PSMD1: variants seen among roughly 807,000 people sequenced by gnomAD.
The protein encoded by PSMD1 is proteasome 26S subunit, non-ATPase 1, also known as 26S proteasome non-ATPase regulatory subunit 1.
A neutral mutation model predicts 119.0 loss-of-function variants in PSMD1; 18 were observed. The observed-to-expected ratio is 0.15, with a 90% confidence interval of 0.10 to 0.22. PSMD1 has a LOEUF of 0.22. PSMD1 is among the 10% of genes least tolerant of loss of function. PSMD1 has a pLI of 1.00. For synonymous variants in PSMD1, 374 were observed against 396.6 expected (o/e 0.94, Z 0.68); for missense variants, 702 against 1,158.5 (o/e 0.61, Z 5.72).
At chr2:231,159,525 A>C (rs1207403334) in intron 19 of PSMD1, among the ~76,000 whole-genome samples, 1 of 152,174 alleles carries the variant, frequency 6.6e-6, no homozygotes, top group African/African-American at 2.4e-5. Context: ...TAAATAGTAC[A>C]TGTACTTTAC....
intron 18 of PSMD1, among the ~76,000 whole-genome samples, chr2:231,153,147 A>G (rs1696408195): frequency 6.6e-6 from 1 of 152,204 alleles, no homozygotes; most frequent in Non-Finnish European, 1.5e-5. Flanking sequence ...GTGAAGGGTA[A>G]TTTACTTTAA....
rs1395177051 is a variant in PSMD1, at chr2:231,066,903, C to T, written c.305-3C>T. The T allele has an allele frequency of 6.3e-7, 1 of 1,581,842 alleles. No homozygotes were observed. Among genetic ancestry groups the T allele is most frequent in the East Asian group, 2.3e-5 (1 of 44,402 alleles). On this transcript the variant is annotated splice_region_variant and splice_polypyrimidine_tract_variant and intron_variant, in intron 4 of 24. Coordinates refer to ENST00000308696, the MANE Select transcript of PSMD1 (RefSeq NM_002807.4). ...ATAATCAGTTATTTTATTTCCTCAACAGCAAAATGCATTGATCACTACACC... is the reference window on the plus strand; with the variant it reads ...ATAATCAGTTATTTTATTTCCTCAATAGCAAAATGCATTGATCACTACACC...
intron 19 of PSMD1, among the ~76,000 whole-genome samples, chr2:231,157,130 C>T (rs1696524151): frequency 6.6e-6 from 1 of 152,052 alleles, no homozygotes. Flanking sequence ...TTAGACTACA[C>T]CCCTTCACTT....
chr2:231,057,122 G>T, intron 1 of PSMD1, 81 bp downstream of exon 1: 1 of 1,403,922 alleles, frequency 7.1e-7, no homozygotes, highest in South Asian at 1.5e-5. Flanking sequence ...CCGGTGACTG[G>T]GCGCCTCCCG....
chr2:231,079,120 G>T (rs1694246477), intron 10 of PSMD1, among the ~76,000 whole-genome samples: 1 of 152,090 alleles, frequency 6.6e-6, no homozygotes, highest in Non-Finnish European at 1.5e-5. Context: ...CAGACACTGT[G>T]TTAACATTGT....
intron 23 of PSMD1, among the ~76,000 whole-genome samples, chr2:231,167,939 G>A (rs973349512): frequency 6.6e-6 from 1 of 152,118 alleles, no homozygotes; most frequent in Non-Finnish European, 1.5e-5. Flanking sequence ...ACCATAACAG[G>A]TGCAGTGGTT....
intron 16 of PSMD1, among the ~76,000 whole-genome samples, chr2:231,126,600 G>T (rs925324353): frequency 6.6e-6 from 1 of 152,024 alleles, no homozygotes; most frequent in African/African-American, 2.4e-5. Flanking sequence ...GAAAAGACTT[G>T]TATGAAATAA....
rs1439765571 is a variant in PSMD1, at chr2:231,170,792, TC to T, written c.*9+72del. ...TTCACAAATGTTTTTTGCAAGGACA[TC>T]ATCTCACGTTTTTCCTTCCTTTTGT... On this transcript the variant is annotated intron_variant, in intron 24 of 24. Transcript: ENST00000308696. The surrounding 1 kb of genome is among the most constrained non-coding windows in gnomAD (Gnocchi z 4.1). 13 of 1,430,832 alleles carry T rather than the reference TC, an allele frequency of 9.1e-6. No homozygotes were observed. The African/African-American group carries it at 1.4e-4, about 16-fold the overall frequency. 88.6% of individuals were successfully genotyped at this position (1,430,832 alleles called of 1,614,324 possible). A position where few individuals can be genotyped will look rare whatever the true frequency, so the allele number is the denominator to read the frequency against.
chr2:231,117,042 C>G (rs965931251), intron 16 of PSMD1, among the ~76,000 whole-genome samples: 2 of 151,944 alleles, frequency 1.3e-5, no homozygotes, highest in Non-Finnish European at 2.9e-5. Flanking sequence ...AAAAACAGTT[C>G]TAGACACACT....
At chr2:231,058,698 A>G (rs1466007068) in intron 1 of PSMD1, among the ~76,000 whole-genome samples, 1 of 152,024 alleles carries the variant, frequency 6.6e-6, no homozygotes, top group Admixed American at 6.6e-5. Flanking sequence ...CTTGTCTTGT[A>G]GTACTGTCTT....
intron 1 of PSMD1, among the ~76,000 whole-genome samples, chr2:231,058,410 C>CA (rs1302080013): frequency 2.0e-5 from 3 of 152,176 alleles, no homozygotes; most frequent in Admixed American, 6.5e-5. Flanking sequence ...TCTTTGCTTA[C>CA]AATCCACCAG....
chr2:231,138,974 T>C (rs1271572608), intron 17 of PSMD1, 124 bp downstream of exon 17: 1 of 782,704 alleles, frequency 1.3e-6, no homozygotes, highest in Non-Finnish European at 2.2e-6. Context: ...AAACTTGCCA[T>C]ACAAAGCTTC....
chr2:231,099,123 T>G (rs1425539571), intron 16 of PSMD1, among the ~76,000 whole-genome samples: 1 of 152,124 alleles, frequency 6.6e-6, no homozygotes, highest in East Asian at 1.9e-4. Flanking sequence ...GCAGTGGCTG[T>G]CTGAGCGGAA....
At position 231,144,165 on chromosome 2, in the gene PSMD1, A is replaced by C. The variant is rs1032227207; in HGVS notation, c.1999-2075A>C. Among the ~76,000 whole-genome samples, 5 of 152,088 alleles carry C rather than the reference A, an allele frequency of 3.3e-5. No homozygotes were observed. In the East Asian group the frequency reaches 5.8e-4, roughly 18 times the overall value. On this transcript the variant is annotated intron_variant, in intron 17 of 24. Transcript: ENST00000308696. ...CTTGAACTCTTGGGATCAAGTAGTC[A>C]TCCCACCTTGCCTCTCAGAGTGTTG...
At chr2:231,157,479 T>C (rs1455320562) in intron 19 of PSMD1, among the ~76,000 whole-genome samples, 1 of 151,290 alleles carries the variant, frequency 6.6e-6, no homozygotes, top group Non-Finnish European at 1.5e-5. Context: ...CTTTTTTACT[T>C]TATCTGTTTG....
At chr2:231,071,889 A>G (rs1034441228) in intron 6 of PSMD1, among the ~76,000 whole-genome samples, 8 of 152,212 alleles carry the variant, frequency 5.3e-5, no homozygotes, top group African/African-American at 1.9e-4. Flanking sequence ...TAACTTATGG[A>G]TAAGATTTAA....
chr2:231,115,036 G>A (rs1393277510), intron 16 of PSMD1, among the ~76,000 whole-genome samples: 2 of 152,030 alleles, frequency 1.3e-5, no homozygotes, highest in African/African-American at 2.4e-5. Context: ...GCTATTGCAG[G>A]TATATCTGAC....
At chr2:231,115,559 A>G (rs1176754441) in intron 16 of PSMD1, among the ~76,000 whole-genome samples, 1 of 152,146 alleles carries the variant, frequency 6.6e-6, no homozygotes, top group Non-Finnish European at 1.5e-5. Context: ...TTTTCAGTGT[A>G]TTACTGTAAA....
At chr2:231,144,667 G>A (rs909367809) in intron 17 of PSMD1, among the ~76,000 whole-genome samples, 1 of 152,012 alleles carries the variant, frequency 6.6e-6, no homozygotes, top group African/African-American at 2.4e-5. Flanking sequence ...ACCCACTTTG[G>A]CCTCACAAAG....
Sources: allele counts gnomAD v4.1 joint callset (sites outside exome capture counted in the v4.1 genomes callset), GRCh38; gene constraint gnomAD v4.1.1; non-coding constraint Gnocchi (gnomAD v3.1); transcripts MANE v1.5; gene names NCBI Gene and HGNC (gene_info 2026-07-23, HGNC 2026-07-21).